The following ZFAND2A variants were observed in gnomAD, a reference collection of about 807,000 sequenced individuals.
ZFAND2A encodes zinc finger AN1-type containing 2A, also known as AN1-type zinc finger protein 2A.
ZFAND2A carries 20 observed loss-of-function variants against 11.6 expected under a neutral mutation model. The ratio of observed to expected loss-of-function variants is 1.72; its 90% CI spans 1.21 to 2.50. The LOEUF (loss-of-function observed/expected upper bound fraction) is 2.50. Among genes scored for constraint, ZFAND2A ranks in the 30% most tolerant of loss-of-function variants. The probability of loss-of-function intolerance (pLI) is 0.00; values close to 1 mark genes in which losing one functional copy is unlikely to be tolerated. For missense variants in ZFAND2A, 234 were observed against 182.9 expected (o/e 1.28, Z -1.61); for synonymous variants, 93 against 60.6 (o/e 1.54, Z -2.48).
downstream of ZFAND2A, among the ~76,000 whole-genome samples, chr7:1,149,177 G>C (rs12673628): frequency 6.6e-6 from 1 of 152,064 alleles, no homozygotes; most frequent in African/African-American, 2.4e-5. Flanking sequence ...TTTTTCATTA[G>C]AACACCTGAT....
downstream of ZFAND2A, among the ~76,000 whole-genome samples, chr7:1,150,638 A>AC (rs1221484954): frequency 1.3e-5 from 2 of 151,274 alleles, no homozygotes; most frequent in African/African-American, 4.9e-5. Flanking sequence ...GCACCTCACT[A>AC]CCCCCCTTCC....
intron 3 of ZFAND2A, among the ~76,000 whole-genome samples, chr7:1,156,596 T>G (rs1436705274): frequency 1.3e-5 from 2 of 149,712 alleles, no homozygotes; most frequent in Non-Finnish European, 3.0e-5. Flanking sequence ...TCCGAAGGGG[T>G]GGACCGCCCA....
chr7:1,155,536 T>C lies in ZFAND2A; in HGVS notation c.199A>G (p.Lys67Glu), dbSNP rs765031281. ...CPLCNTPIPV[K>E]KGQIPDVVVG... ...ACCACGTCTGGTATCTGGCCCTTTT[T>C]TACTGGGATGGGGGTATTACAGAGT... Residue 67 changes from lysine (K) to glutamate (E), a missense_variant, in exon 4 of 5, where the codon AAA becomes GAA. Lys to Glu is a moderately conservative substitution (Grantham distance 56). Transcript: ENST00000316495. 5.6e-6 allele frequency: 9 copies of C among 1,613,804 alleles called. No homozygotes were observed. Among genetic ancestry groups the C allele is most frequent in the Non-Finnish European group, 6.8e-6 (8 of 1,179,874 alleles).
chr7:1,155,407 A>G, intron 4 of ZFAND2A, 46 bp downstream of exon 4: 1 of 1,594,458 alleles, frequency 6.3e-7, no homozygotes, highest in African/African-American at 1.4e-5. Flanking sequence ...CCCAAGGAAA[A>G]ACCAGGCTTC....
At chr7:1,155,393 T>G (rs1793498175) in intron 4 of ZFAND2A, 60 bp downstream of exon 4, 3 of 1,587,564 alleles carry the variant, frequency 1.9e-6, no homozygotes, top group South Asian at 1.1e-5. Flanking sequence ...GCAAACTGAC[T>G]CTTCCCAAGG....
chr7:1,152,572 C>G (rs1344417210), downstream of ZFAND2A, among the ~76,000 whole-genome samples: 1 of 152,218 alleles, frequency 6.6e-6, no homozygotes, highest in African/African-American at 2.4e-5. Context: ...GACTCGGGAC[C>G]TCAGAGTGTG....
chr7:1,155,166 C>T (rs1392174874), intron 4 of ZFAND2A, among the ~76,000 whole-genome samples: 2 of 152,192 alleles, frequency 1.3e-5, no homozygotes, highest in Admixed American at 6.5e-5. Context: ...CGCACATGAA[C>T]AGAATGGATC....
rs188465609 is a variant in ZFAND2A at position 1,157,240 on chromosome 7, C to T, written c.150+416G>A. ...GGCTGCAGTTATTCAAATCAATAAG[C>T]GTATTTACTGCCTTCCTGATTGGCT... On this transcript the variant is annotated intron_variant, in intron 3 of 4. Coordinates refer to ENST00000316495, the MANE Select transcript of ZFAND2A (RefSeq NM_182491.4). 166 of 154,536 alleles carry T rather than the reference C, an allele frequency of 1.1e-3. 3 individuals are homozygous for T. Among genetic ancestry groups the T allele is most frequent in the Non-Finnish European group, 6.9e-4 (48 of 69,550 alleles). 9.6% of individuals were successfully genotyped at this position (154,536 alleles called of 1,614,324 possible).
chr7:1,157,854 A>C, intron 2 of ZFAND2A, 104 bp from the exon 3 acceptor site: 1 of 926,164 alleles, frequency 1.1e-6, no homozygotes, highest in Non-Finnish European at 1.6e-6. Flanking sequence ...GGCCTATGAG[A>C]TGGACAGGTC....
At chr7:1,151,989 G>A, downstream of ZFAND2A, 1 of 373,520 alleles carries the variant, frequency 2.7e-6, no homozygotes, top group Non-Finnish European at 4.8e-6. Context: ...CAGGAATGTT[G>A]ATCATGTCAG....
Position 1,153,054 on chromosome 7 carries a change from C to T in ZFAND2A, c.*15G>A. Reference sequence around the variant, plus strand: ...TGCTACTGCGTGCTCCGAGCCATCGCAGCGGAGTCTCTTCTCACCCAGCTT... The same window carrying T: ...TGCTACTGCGTGCTCCGAGCCATCGTAGCGGAGTCTCTTCTCACCCAGCTT... On this transcript the variant is annotated 3_prime_UTR_variant, in exon 5 of 5. Coordinates refer to ENST00000316495, the MANE Select transcript of ZFAND2A (RefSeq NM_182491.4). 6.2e-7 allele frequency: 1 copy of T among 1,614,146 alleles called. No individual in the cohort carries two copies. The highest frequency in any genetic ancestry group is 8.5e-7 in the Non-Finnish European group (1 of 1,180,002).
At chr7:1,152,187 C>T (rs921113515), downstream of ZFAND2A, 12 of 1,509,210 alleles carry the variant, frequency 8.0e-6, no homozygotes, top group Admixed American at 8.2e-5. Context: ...GCAACCTTTC[C>T]GTGTTCACCA....
At chr7:1,152,133 G>T, downstream of ZFAND2A, 1 of 1,338,876 alleles carries the variant, frequency 7.5e-7, no homozygotes, top group Non-Finnish European at 9.9e-7. Context: ...TCCTGACGAA[G>T]TCGCACCACT....
At chr7:1,152,802 G>C (rs6975049), downstream of ZFAND2A, 33,955 of 573,042 alleles carry the variant, frequency 0.059, 2,005 homozygotes, top group African/African-American at 0.24. Flanking sequence ...TCCTGCGCCT[G>C]GACCTCCAGC....
At chr7:1,149,918 T>A (rs1280753788), downstream of ZFAND2A, among the ~76,000 whole-genome samples, 1 of 150,972 alleles carries the variant, frequency 6.6e-6, no homozygotes, top group East Asian at 2.0e-4. Flanking sequence ...AATGGCACGA[T>A]CTCTGCTCAC....
At chr7:1,151,980 A>G, downstream of ZFAND2A, 1 of 355,124 alleles carries the variant, frequency 2.8e-6, no homozygotes, top group Non-Finnish European at 5.1e-6. Flanking sequence ...TTGATGATGC[A>G]GGAATGTTGA....
chr7:1,150,902 T>TTTTTTC (rs1457637386), downstream of ZFAND2A, among the ~76,000 whole-genome samples: 190 of 142,128 alleles, frequency 1.3e-3, 3 homozygotes, highest in African/African-American at 4.8e-3. Flanking sequence ...TTTTTTTTTT[T>TTTTTTC]TTTGAGATTC....
intron 3 of ZFAND2A, 134 bp downstream of exon 3, chr7:1,157,522 T>G (rs1164330362): frequency 2.4e-6 from 2 of 850,838 alleles, no homozygotes; most frequent in Non-Finnish European, 3.6e-6. Flanking sequence ...ACGAGGCTAG[T>G]GGGACTGAAA....
At chr7:1,149,119 T>A (rs1793351996), downstream of ZFAND2A, among the ~76,000 whole-genome samples, 1 of 152,166 alleles carries the variant, frequency 6.6e-6, no homozygotes, top group Admixed American at 6.5e-5. Context: ...AGTTTGGACA[T>A]TAAATTATCA....
Sources: allele counts gnomAD v4.1 joint callset (sites outside exome capture counted in the v4.1 genomes callset), GRCh38; gene constraint gnomAD v4.1.1; transcripts MANE v1.5; gene names NCBI Gene and HGNC (gene_info 2026-07-23, HGNC 2026-07-21).